The following ERI1 variants were observed in gnomAD, a reference collection of about 807,000 sequenced individuals.
The protein encoded by ERI1 is exoribonuclease 1.
In ERI1, 39 loss-of-function variants were observed where a neutral mutation model predicts 39.7. The observed-to-expected ratio is 0.98, with a 90% CI of 0.76 to 1.28. The LOEUF (loss-of-function observed/expected upper bound fraction) is 1.28. ERI1 is among the 50% of genes most tolerant of loss of function. The pLI is 0.00. For missense variants in ERI1, 581 were observed against 416.9 expected (o/e 1.39, Z -3.43); for synonymous variants, 204 against 149.6 (o/e 1.36, Z -2.65).
chr8:9,093,156 A>T (rs112924465), intron 3 of ERI1, among the ~76,000 whole-genome samples: 7,575 of 152,312 alleles, frequency 0.05, 587 homozygotes, highest in African/African-American at 0.17. Context: ...AGCAGGGGTG[A>T]CCAATCTTTT....
chr8:9,067,570 G>A (rs1209027353), intron 3 of ERI1, among the ~76,000 whole-genome samples: 1 of 151,110 alleles, frequency 6.6e-6, no homozygotes. Flanking sequence ...TGAGAGGATC[G>A]CTTGCACCCA....
chr8:9,020,412 C>T lies in ERI1; in HGVS notation c.755C>T (p.Pro252Leu), dbSNP rs1170670228. Residue 252 changes from proline (P) to leucine (L), a missense_variant, in exon 6 of 7, where the codon CCT becomes CTT. By Grantham distance (98) the Pro-to-Leu change is moderately conservative. Transcript: ENST00000250263. ...CAACTCAGCAGGCTCAAATACCCTC[C>T]TTTTGCGAAAAAGTGGATCAATATT... The part of the protein sequence containing the change: ...QCQLSRLKYP[P>L]FAKKWINIRK... The T allele has an allele frequency of 1.9e-6, 3 of 1,607,452 alleles. No individual in the cohort carries two copies. The highest frequency in any genetic ancestry group is 2.7e-5 in the African/African-American group (2 of 74,644).
intron 6 of ERI1, among the ~76,000 whole-genome samples, chr8:9,027,244 A>G (rs1237928376): frequency 6.6e-6 from 1 of 151,136 alleles, no homozygotes; most frequent in African/African-American, 2.4e-5. Context: ...TTCCCTAATG[A>G]TTAGTGATGT....
At chr8:9,059,072 C>G (rs34752993) in intron 3 of ERI1, among the ~76,000 whole-genome samples, 21,414 of 151,704 alleles carry the variant, frequency 0.14, 1,646 homozygotes, top group African/African-American at 0.18. Flanking sequence ...AAGGAAAAAG[C>G]GGGGTTGTTC....
chr8:9,033,887 A>G (rs573129524), downstream of ERI1, among the ~76,000 whole-genome samples: 2 of 152,300 alleles, frequency 1.3e-5, no homozygotes, highest in East Asian at 3.9e-4. Context: ...AGACATTTTC[A>G]ATGCGATTGT....
chr8:9,037,039 A>G (rs767907980), downstream of ERI1, among the ~76,000 whole-genome samples: 3 of 152,108 alleles, frequency 2.0e-5, no homozygotes, highest in South Asian at 2.1e-4. Flanking sequence ...TACACAGACT[A>G]TTGCTAAAAT....
chr8:9,068,919 C>T (rs1017264988), intron 3 of ERI1, among the ~76,000 whole-genome samples: 1 of 152,072 alleles, frequency 6.6e-6, no homozygotes, highest in South Asian at 2.1e-4. Context: ...TAGGCTCAAG[C>T]AATCCTCTTG....
intron 4 of ERI1, among the ~76,000 whole-genome samples, chr8:9,016,756 G>A (rs1208806424): frequency 6.6e-6 from 1 of 152,164 alleles, no homozygotes; most frequent in African/African-American, 2.4e-5. Flanking sequence ...CGTGACCTCG[G>A]CTCACTGCAG....
At chr8:9,017,618 C>T (rs11781203) in intron 4 of ERI1, among the ~76,000 whole-genome samples, 38,389 of 151,950 alleles carry the variant, frequency 0.25, 5,292 homozygotes, top group Non-Finnish European at 0.31. Flanking sequence ...GGAAAAACAT[C>T]CTCAAGTTGA....
chr8:9,095,514 G>A (rs1487136214), intron 3 of ERI1, among the ~76,000 whole-genome samples: 2 of 151,786 alleles, frequency 1.3e-5, no homozygotes, highest in Non-Finnish European at 2.9e-5. Context: ...TTGTTTGTTT[G>A]TTTGTTTTTG....
At chr8:9,072,370 C>T (rs1223803742) in intron 3 of ERI1, 2 of 152,098 alleles carry the variant, frequency 1.3e-5, no homozygotes, top group African/African-American at 4.8e-5. Context: ...GTGGACATTT[C>T]AATATTTGGA....
intron 3 of ERI1, among the ~76,000 whole-genome samples, chr8:9,056,874 C>T (rs1314076497): frequency 6.6e-6 from 1 of 152,202 alleles, no homozygotes; most frequent in Non-Finnish European, 1.5e-5. Flanking sequence ...TGCTCTGTCA[C>T]CCAGGCTGGA....
chr8:9,011,437 A>T, intron 2 of ERI1, 105 bp from the exon 3 acceptor site: 1 of 620,552 alleles, frequency 1.6e-6, no homozygotes, highest in Non-Finnish European at 2.6e-6. Flanking sequence ...CATTTGCTAA[A>T]TTTCGCTGTG....
In ERI1 at chr8:9,011,523, G is replaced by GTCT; in HGVS notation, c.288-9_288-7dup. On this transcript the variant is annotated intron_variant, in intron 2 of 6. Transcript: ENST00000250263. ...TGTAGAATTTACCTAAGTGTAACTA[G>GTCT]TCTTCTTCTTCTACTTAGAGGAGTA... The GTCT allele has an allele frequency of 6.5e-7, 1 of 1,528,104 alleles. No homozygotes were observed. The highest frequency in any genetic ancestry group is 8.9e-7 in the Non-Finnish European group (1 of 1,118,258). The allele number at this position is 1,528,104 out of a possible 1,614,324, so 94.7% of individuals were successfully genotyped here.
intron 1 of ERI1, among the ~76,000 whole-genome samples, chr8:9,003,499 G>A (rs2288670): frequency 0.88 from 133,516 of 152,216 alleles, 58,710 homozygotes; most frequent in Non-Finnish European, 0.91. Context: ...GTTATGGGTA[G>A]TTTGCAAGGC....
At chr8:9,015,760 T>G (rs1354520200) in intron 3 of ERI1, among the ~76,000 whole-genome samples, 1 of 149,350 alleles carries the variant, frequency 6.7e-6, no homozygotes, top group East Asian at 1.9e-4. Context: ...CGTGAAAGCT[T>G]CTTGAAAAGA....
At chr8:9,034,991 C>G (rs891330192), downstream of ERI1, among the ~76,000 whole-genome samples, 4 of 152,150 alleles carry the variant, frequency 2.6e-5, no homozygotes, top group Non-Finnish European at 5.9e-5. Flanking sequence ...TTCCTTAAGC[C>G]AAAGCCTAAT....
chr8:9,015,053 T>G (rs892139632), intron 3 of ERI1, among the ~76,000 whole-genome samples: 3 of 152,122 alleles, frequency 2.0e-5, no homozygotes, highest in Non-Finnish European at 2.9e-5. Context: ...GCCAGGCTGG[T>G]CTTGAACTCC....
intron 3 of ERI1, among the ~76,000 whole-genome samples, chr8:9,076,469 G>T (rs1045111865): frequency 6.6e-6 from 1 of 152,196 alleles, no homozygotes; most frequent in Non-Finnish European, 1.5e-5. Flanking sequence ...ACATGTAAAT[G>T]ATACCATAGA....
Sources: gnomAD v4.1 joint callset for allele counts (sites outside exome capture counted in the v4.1 genomes callset) on GRCh38, gnomAD v4.1.1 for gene constraint, MANE v1.5 for transcripts, NCBI Gene and HGNC (gene_info 2026-07-23, HGNC 2026-07-21) for gene names.